Variants in PRR16 observed in about 807,000 individuals in gnomAD.
The protein encoded by PRR16 is protein Largen.
Under a neutral mutation model 18.2 loss-of-function variants are expected in PRR16, and 6 were observed. The observed-to-expected ratio is 0.33, with a 90% CI of 0.18 to 0.65. PRR16 has a LOEUF of 0.65. Ranked by LOEUF, PRR16 falls within the 30% of genes least tolerant of loss-of-function variation. The pLI is 0.74. For synonymous variants in PRR16, 151 were observed against 147.8 expected (o/e 1.02, Z -0.16); for missense variants, 412 against 376.6 (o/e 1.09, Z -0.78).
Position 120,686,873 on chromosome 5 carries a change from T to C in PRR16, c.*164T>C, listed in dbSNP as rs921732405. Reference sequence around the variant, plus strand: ...GTAAGTATGCAGCACATTGCTTATATCCTGGGTATGCATTATTTTAAATGT... The same window carrying C: ...GTAAGTATGCAGCACATTGCTTATACCCTGGGTATGCATTATTTTAAATGT... On this transcript the variant is annotated 3_prime_UTR_variant, in exon 2 of 2. Transcript: ENST00000407149. 3 of 457,738 alleles carry C rather than the reference T, an allele frequency of 6.6e-6. No individual in the cohort carries two copies. The highest frequency in any genetic ancestry group is 6.0e-5 in the African/African-American group (3 of 49,622). 28.4% of individuals were successfully genotyped at this position (457,738 alleles called of 1,614,324 possible).
At chr5:120,641,977 C>T (rs935946152) in intron 1 of PRR16, among the ~76,000 whole-genome samples, 3 of 152,134 alleles carry the variant, frequency 2.0e-5, no homozygotes, top group South Asian at 2.1e-4. Flanking sequence ...ATTGTCCATC[C>T]GTTTACTCAA....
intron 1 of PRR16, among the ~76,000 whole-genome samples, chr5:120,608,733 G>T (rs139849443): frequency 2.8e-4 from 42 of 152,084 alleles, no homozygotes; most frequent in Middle Eastern, 6.8e-3. Context: ...ATTAGATCTG[G>T]TTAACCCCCT....
At chr5:120,477,146 T>C (rs543966743) in intron 1 of PRR16, among the ~76,000 whole-genome samples, 2 of 152,320 alleles carry the variant, frequency 1.3e-5, no homozygotes, top group South Asian at 4.1e-4. Context: ...GTACTCTTCT[T>C]GGTGTTTTAT....
the PRR16 span, among the ~76,000 whole-genome samples, chr5:120,786,120 A>C: frequency 6.7e-6 from 1 of 149,752 alleles, no homozygotes; most frequent in Non-Finnish European, 1.5e-5. Flanking sequence ...GGTTAAATGC[A>C]TACCTGTTAT....
At chr5:120,602,643 G>T (rs1754020989) in intron 1 of PRR16, among the ~76,000 whole-genome samples, 1 of 151,984 alleles carries the variant, frequency 6.6e-6, no homozygotes, top group African/African-American at 2.4e-5. Context: ...TCTTGTGCTG[G>T]TTTTCAAGAA....
At chr5:120,607,501 T>C (rs1296281122) in intron 1 of PRR16, among the ~76,000 whole-genome samples, 1 of 152,208 alleles carries the variant, frequency 6.6e-6, no homozygotes, top group Non-Finnish European at 1.5e-5. Flanking sequence ...TGGGTGCAGA[T>C]GGAGTTGGCT....
chr5:120,572,302 G>C (rs1752933791), intron 1 of PRR16, among the ~76,000 whole-genome samples: 2 of 152,130 alleles, frequency 1.3e-5, no homozygotes, highest in Non-Finnish European at 2.9e-5. Flanking sequence ...GTACAAGGTT[G>C]TAAGAAGTGG....
chr5:120,573,523 T>C (rs1228299708), intron 1 of PRR16, among the ~76,000 whole-genome samples: 1 of 151,282 alleles, frequency 6.6e-6, no homozygotes, highest in Admixed American at 6.6e-5. Context: ...TGCAGCTCTC[T>C]CTTGGACTAA....
intron 1 of PRR16, among the ~76,000 whole-genome samples, chr5:120,558,160 T>C (rs1752474382): frequency 6.6e-6 from 1 of 151,908 alleles, no homozygotes; most frequent in South Asian, 2.1e-4. Context: ...ATTATACTCT[T>C]TTAGTTCTTT....
intron 1 of PRR16, among the ~76,000 whole-genome samples, chr5:120,579,143 G>C (rs1753177859): frequency 6.6e-6 from 1 of 151,902 alleles, no homozygotes; most frequent in South Asian, 2.1e-4. Flanking sequence ...TGTAAATTCT[G>C]GATATTATAC....
intron 1 of PRR16, among the ~76,000 whole-genome samples, chr5:120,539,636 C>G (rs1368210117): frequency 1.3e-5 from 2 of 151,910 alleles, no homozygotes; most frequent in African/African-American, 4.8e-5. Context: ...ATGTAACAAA[C>G]CTGCACATGT....
At chr5:120,788,583 T>G in the PRR16 span, among the ~76,000 whole-genome samples, 1 of 152,096 alleles carries the variant, frequency 6.6e-6, no homozygotes, top group Admixed American at 6.5e-5. Flanking sequence ...TTCTAGATGA[T>G]ACAAAAATGG....
intron 1 of PRR16, among the ~76,000 whole-genome samples, chr5:120,524,606 T>A (rs944435505): frequency 6.6e-6 from 1 of 152,110 alleles, no homozygotes; most frequent in Admixed American, 6.5e-5. Context: ...AAATATCATC[T>A]AGTATTTGAT....
At chr5:120,698,065 T>A in the PRR16 span, among the ~76,000 whole-genome samples, 1 of 152,058 alleles carries the variant, frequency 6.6e-6, no homozygotes, top group Non-Finnish European at 1.5e-5. Context: ...ATAAGAAAAA[T>A]AAAACAAAAT....
intron 1 of PRR16, among the ~76,000 whole-genome samples, chr5:120,471,549 G>A (rs1749268909): frequency 6.6e-6 from 1 of 152,062 alleles, no homozygotes; most frequent in Non-Finnish European, 1.5e-5. Context: ...ACTGGCTAAT[G>A]ATGTCATATG....
chr5:120,554,682 A>G lies in PRR16; in HGVS notation c.159+90037A>G, dbSNP rs115325942. Among the ~76,000 whole-genome samples the G allele has an allele frequency of 3.6e-3, 549 of 151,982 alleles. 1 individual carries two copies. Among genetic ancestry groups the G allele is most frequent in the African/African-American group, 0.012 (517 of 41,514 alleles). ...TTATTTTGCATATAGTATTTCATGT[A>G]AGTCTCACAACAGCCTAGATTCCAG... On this transcript the variant is annotated intron_variant, in intron 1 of 1. Coordinates refer to ENST00000407149, the MANE Select transcript of PRR16 (RefSeq NM_001300783.2).
At chr5:120,670,395 T>G (rs946318311) in intron 1 of PRR16, among the ~76,000 whole-genome samples, 3 of 152,034 alleles carry the variant, frequency 2.0e-5, no homozygotes, top group African/African-American at 4.8e-5. Flanking sequence ...TCAAAATCTC[T>G]TGGCAGATTT....
intron 1 of PRR16, among the ~76,000 whole-genome samples, chr5:120,614,229 T>A (rs1754435818): frequency 6.6e-6 from 1 of 152,214 alleles, no homozygotes; most frequent in African/African-American, 2.4e-5. Context: ...AAACCTATCA[T>A]GATTCCTCAA....
At chr5:120,523,285 A>G (rs1751246664) in intron 1 of PRR16, among the ~76,000 whole-genome samples, 1 of 152,188 alleles carries the variant, frequency 6.6e-6, no homozygotes, top group South Asian at 2.1e-4. Flanking sequence ...AAGGTTTTTA[A>G]AGGTATAATT....
Sources: gnomAD v4.1 joint callset for allele counts (sites outside exome capture counted in the v4.1 genomes callset) on GRCh38, gnomAD v4.1.1 for gene constraint, MANE v1.5 for transcripts, NCBI Gene and HGNC (gene_info 2026-07-23, HGNC 2026-07-21) for gene names.